The following PTAFR variants were observed in gnomAD, a reference collection of about 807,000 sequenced individuals.
PTAFR encodes the protein platelet-activating factor receptor.
In PTAFR, 8 loss-of-function variants were observed where a neutral mutation model predicts 14.7. The observed-to-expected ratio is 0.54, with a 90% CI of 0.32 to 0.98. The LOEUF (loss-of-function observed/expected upper bound fraction) is 0.98. Ranked by LOEUF, PTAFR falls within the 50% of genes least tolerant of loss-of-function variation. PTAFR has a pLI of 0.04. For missense variants in PTAFR, 337 were observed against 451.2 expected (o/e 0.75, Z 2.29); for synonymous variants, 156 against 176.5 (o/e 0.88, Z 0.92).
upstream of PTAFR, among the ~76,000 whole-genome samples, chr1:28,178,138 G>A (rs1330864829): frequency 2.0e-5 from 3 of 152,272 alleles, no homozygotes; most frequent in East Asian, 1.9e-4. Flanking sequence ...AAGGAGAGTC[G>A]GGGGCCTGCA....
At chr1:28,177,757 C>G (rs1451432310), upstream of PTAFR, among the ~76,000 whole-genome samples, 1 of 151,120 alleles carries the variant, frequency 6.6e-6, no homozygotes, top group African/African-American at 2.4e-5. Context: ...TTCACCCAGG[C>G]TGGTGTGGGT....
chr1:28,171,301 T>C (rs368626872), intron 1 of PTAFR, among the ~76,000 whole-genome samples: 2 of 148,618 alleles, frequency 1.3e-5, no homozygotes, highest in African/African-American at 5.0e-5. Flanking sequence ...CCAGCCTGGG[T>C]GACAGACCGA....
intron 1 of PTAFR, among the ~76,000 whole-genome samples, chr1:28,193,323 G>C (rs1418181079): frequency 6.6e-6 from 1 of 152,070 alleles, no homozygotes; most frequent in Non-Finnish European, 1.5e-5. Flanking sequence ...GTTTTCCCTT[G>C]GGTTAGGATC....
At chr1:28,176,019 T>C (rs1470082882) in intron 1 of PTAFR, among the ~76,000 whole-genome samples, 1 of 152,090 alleles carries the variant, frequency 6.6e-6, no homozygotes, top group Admixed American at 6.6e-5. Context: ...GTGGGATCTC[T>C]GGGGTCAGCA....
Position 28,150,411 on chromosome 1 carries a change from A to G in PTAFR, c.611T>C (p.Phe204Ser). 1 of 1,613,960 alleles carries G rather than the reference A, an allele frequency of 6.2e-7. No individual in the cohort carries two copies. The highest frequency in any genetic ancestry group is 2.2e-5 in the East Asian group (1 of 44,886). Residue 204 changes from phenylalanine (F) to serine (S), a missense_variant, in exon 2 of 2, where the codon TTC (phenylalanine) becomes TCC (serine). Transcript: ENST00000373857. The surrounding 1 kb of genome is among the most constrained non-coding windows in gnomAD (Gnocchi z 6.3). ...SFFLVFLIIL[F>S]CNLVIIRTLL... ...GGTACGGATGATGACCAGGTTGCAG[A>G]AGAGGATGATGAGGAAGACCAGGAA...
At chr1:28,168,125 ATTT>A (rs139930851) in intron 1 of PTAFR, among the ~76,000 whole-genome samples, 28,614 of 126,384 alleles carry the variant, frequency 0.23, 3,321 homozygotes, top group Non-Finnish European at 0.28. Flanking sequence ...CACCCGGCTA[ATTT>A]TTTTTTTTTT....
intron 1 of PTAFR, among the ~76,000 whole-genome samples, chr1:28,153,164 A>G (rs1646214821): frequency 6.6e-6 from 1 of 152,120 alleles, no homozygotes; most frequent in South Asian, 2.1e-4. Flanking sequence ...AGCCAGGCAT[A>G]GTGGTGCACG....
chr1:28,177,221 G>C (rs1044591271), upstream of PTAFR: 1 of 152,412 alleles, frequency 6.6e-6, no homozygotes, highest in African/African-American at 2.4e-5. Flanking sequence ...TCTCTGGATG[G>C]GGGTGAGAGA....
chr1:28,176,462 AAAAG>A (rs1479738382), intron 1 of PTAFR, 126 bp downstream of exon 1: 67 of 152,934 alleles, frequency 4.4e-4, no homozygotes, highest in African/African-American at 1.6e-3. Context: ...AAAAAAAAAA[AAAAG>A]AAAAGAAAAG....
At position 28,150,587 on chromosome 1, in the gene PTAFR, A is replaced by G; in HGVS notation, c.435T>C (p.Ile145=). ...ISLSLVIWVA[I]VGAASYFLIL... ...TGAGGAAGTAGGATGCAGCTCCCAC[A>G]ATGGCCACCCAGATGACCAAGGACA... Residue 145 remains isoleucine (I), a synonymous_variant, in exon 2 of 2, where the codon ATT becomes ATC. Transcript: ENST00000373857. The surrounding 1 kb of genome is among the most constrained non-coding windows in gnomAD (Gnocchi z 6.3). 1.2e-6 allele frequency: 2 copies of G among 1,614,134 alleles called. No individual in the cohort carries two copies. Among genetic ancestry groups the G allele is most frequent in the Non-Finnish European group, 8.5e-7 (1 of 1,180,022 alleles).
chr1:28,150,251 A>G lies in PTAFR; in HGVS notation c.771T>C (p.Leu257=). The G allele has an allele frequency of 6.2e-7, 1 of 1,613,252 alleles. No homozygotes were observed. The highest frequency in any genetic ancestry group is 8.5e-7 in the Non-Finnish European group (1 of 1,179,318). ...PHHVVQLPWT[L]AELGFQDSKF... ...TGCTGTCCTGGAAGCCCAGCTCAGC[A>G]AGGGTCCAGGGCAGCTGCACCACGT... The change falls in exon 2 of 2, where the codon CTT becomes CTC. Residue 257 remains leucine (L), a synonymous_variant. Transcript: ENST00000373857. The surrounding 1 kb of genome is among the most constrained non-coding windows in gnomAD (Gnocchi z 6.3).
chr1:28,173,298 A>AGGG (rs71586830), intron 1 of PTAFR, among the ~76,000 whole-genome samples: 1 of 31,686 alleles, frequency 3.2e-5, no homozygotes. Context: ...TTAAAAAAAA[A>AGGG]GGGGGGGGGG....
intron 1 of PTAFR, among the ~76,000 whole-genome samples, chr1:28,175,686 C>T (rs1329058702): frequency 6.6e-6 from 1 of 151,976 alleles, no homozygotes; most frequent in Non-Finnish European, 1.5e-5. Context: ...GTGGGCTTGG[C>T]CCTGTGTATA....
intron 1 of PTAFR, among the ~76,000 whole-genome samples, chr1:28,188,547 C>G (rs533315514): frequency 2.0e-4 from 31 of 152,106 alleles, no homozygotes; most frequent in Non-Finnish European, 4.0e-4. Flanking sequence ...GAGACCAGCA[C>G]GGCCAACGTG....
chr1:28,175,809 G>C (rs931104174), intron 1 of PTAFR, among the ~76,000 whole-genome samples: 1 of 152,172 alleles, frequency 6.6e-6, no homozygotes, highest in Non-Finnish European at 1.5e-5. Flanking sequence ...CAATTCTGTG[G>C]GGGAGATGGG....
intron 1 of PTAFR, among the ~76,000 whole-genome samples, chr1:28,159,698 C>T (rs774467268): frequency 4.6e-5 from 7 of 151,774 alleles, no homozygotes; most frequent in East Asian, 1.9e-4. Flanking sequence ...ATTAGCCAGA[C>T]GCCTATAATC....
chr1:28,183,898 A>C (rs1265649179), intron 1 of PTAFR, among the ~76,000 whole-genome samples: 1 of 151,912 alleles, frequency 6.6e-6, no homozygotes, highest in Non-Finnish European at 1.5e-5. Flanking sequence ...TCTCAAAACA[A>C]AACAAAACAA....
intron 1 of PTAFR, among the ~76,000 whole-genome samples, chr1:28,187,651 C>T (rs1032939436): frequency 2.6e-5 from 4 of 151,878 alleles, no homozygotes; most frequent in Admixed American, 6.6e-5. Context: ...AATAGAGGCA[C>T]CGTGTATTTT....
intron 1 of PTAFR, among the ~76,000 whole-genome samples, chr1:28,168,514 A>T (rs1646416658): frequency 6.6e-6 from 1 of 152,188 alleles, no homozygotes; most frequent in African/African-American, 2.4e-5. Context: ...CAGGAAGACA[A>T]ATACTATATG....
Sources: allele counts gnomAD v4.1 joint callset (sites outside exome capture counted in the v4.1 genomes callset), GRCh38; gene constraint gnomAD v4.1.1; non-coding constraint Gnocchi (gnomAD v3.1); transcripts MANE v1.5; gene names NCBI Gene and HGNC (gene_info 2026-07-23, HGNC 2026-07-21).